The following RNF144A variants were observed in gnomAD, a reference collection of about 807,000 sequenced individuals.
The protein encoded by RNF144A is E3 ubiquitin-protein ligase RNF144A.
A neutral mutation model predicts 38.7 loss-of-function variants in RNF144A; 11 were observed. The observed-to-expected ratio is 0.28, with a 90% CI of 0.18 to 0.47. The LOEUF is 0.47. Among genes scored for constraint, RNF144A ranks in the 20% least tolerant of loss-of-function variants. RNF144A has a pLI of 0.99. For missense variants in RNF144A, 316 were observed against 377.2 expected, an observed-to-expected ratio of 0.84 and a Z score of 1.34; for synonymous variants, 149 against 143.9, an observed-to-expected ratio of 1.04 and a Z score of -0.25.
At position 7,040,241 on chromosome 2, in the gene RNF144A, T is replaced by C. The variant is rs930889628; in HGVS notation, c.*481T>C. ...TACTAATGGCATTTAGTAAAATCCT[T>C]TTTAGAAGGTATTTTTTTTCCAACT... On this transcript the variant is annotated 3_prime_UTR_variant, in exon 9 of 9. Coordinates refer to ENST00000320892, the MANE Select transcript of RNF144A (RefSeq NM_014746.6). The C allele has an allele frequency of 2.0e-6, 2 of 985,686 alleles. No homozygotes were observed. Among genetic ancestry groups the C allele is most frequent in the African/African-American group, 3.5e-5 (2 of 57,236 alleles). 61.1% of individuals were successfully genotyped at this position (985,686 alleles called of 1,614,324 possible).
chr2:6,998,169 C>T (rs562362638), intron 3 of RNF144A, among the ~76,000 whole-genome samples: 10 of 145,746 alleles, frequency 6.9e-5, no homozygotes, highest in African/African-American at 2.5e-4. Context: ...GAAAAACTGT[C>T]TTCAAAAAAA....
At chr2:7,061,191 C>T (rs1410579582) in intron 6 of RNF144A, among the ~76,000 whole-genome samples, 3 of 152,166 alleles carry the variant, frequency 2.0e-5, no homozygotes, top group Admixed American at 1.3e-4. Context: ...AATTAATTCC[C>T]GACGTCCAGG....
chr2:7,061,876 AAT>A (rs1474215255), intron 6 of RNF144A, among the ~76,000 whole-genome samples: 1 of 152,248 alleles, frequency 6.6e-6, no homozygotes, highest in Non-Finnish European at 1.5e-5. Context: ...TATTGTAAAT[AAT>A]ATATGAGAGC....
At chr2:7,019,856 C>A (rs1671397898) in intron 5 of RNF144A, among the ~76,000 whole-genome samples, 1 of 152,202 alleles carries the variant, frequency 6.6e-6, no homozygotes, top group Non-Finnish European at 1.5e-5. Flanking sequence ...GAGAGAAAAT[C>A]TGGCCCTTGA....
chr2:7,015,686 G>A (rs575365046), intron 5 of RNF144A, among the ~76,000 whole-genome samples: 2 of 152,240 alleles, frequency 1.3e-5, no homozygotes, highest in South Asian at 4.2e-4. Flanking sequence ...TCTATTCTGG[G>A]CCCCAGGCTT....
intron 2 of RNF144A, among the ~76,000 whole-genome samples, chr2:6,979,984 A>G (rs1328722727): frequency 1.3e-5 from 2 of 152,194 alleles, no homozygotes; most frequent in Non-Finnish European, 2.9e-5. Context: ...CCTTCTTCAC[A>G]AGGCGGCAGG....
intron 6 of RNF144A, among the ~76,000 whole-genome samples, chr2:7,058,969 A>G (rs892770246): frequency 5.9e-5 from 9 of 152,090 alleles, no homozygotes; most frequent in African/African-American, 1.4e-4. Flanking sequence ...TAGCGGGTCT[A>G]TCTAGAGGGG....
intron 3 of RNF144A, among the ~76,000 whole-genome samples, chr2:7,010,168 C>T (rs1006236186): frequency 2.6e-5 from 4 of 152,164 alleles, no homozygotes; most frequent in African/African-American, 2.4e-5. Context: ...ACCGCTGTCT[C>T]CGGGGTACTG....
chr2:7,056,547 A>C (rs1673746025), intron 6 of RNF144A, among the ~76,000 whole-genome samples: 1 of 152,098 alleles, frequency 6.6e-6, no homozygotes. Context: ...TCTCAATCTG[A>C]GGGTATCTTG....
At chr2:6,932,194 C>G (rs1388331820) in intron 1 of RNF144A, among the ~76,000 whole-genome samples, 2 of 152,080 alleles carry the variant, frequency 1.3e-5, no homozygotes, top group Non-Finnish European at 2.9e-5. Flanking sequence ...TTTTTTCTTG[C>G]TTTGAACTCT....
At chr2:7,067,577 C>G (rs897672129) in intron 6 of RNF144A, among the ~76,000 whole-genome samples, 1 of 152,122 alleles carries the variant, frequency 6.6e-6, no homozygotes, top group Non-Finnish European at 1.5e-5. Context: ...CTTGCACCAT[C>G]CAGTATGTTG....
chr2:6,986,191 A>G (rs964221459), intron 2 of RNF144A, among the ~76,000 whole-genome samples: 1 of 152,150 alleles, frequency 6.6e-6, no homozygotes, highest in African/African-American at 2.4e-5. Context: ...CCATGAAGGT[A>G]CAGTGACAGC....
At chr2:7,046,768 A>G (rs1314762854), downstream of RNF144A, among the ~76,000 whole-genome samples, 1 of 152,238 alleles carries the variant, frequency 6.6e-6, no homozygotes, top group Non-Finnish European at 1.5e-5. Context: ...TAATGCAAAG[A>G]AAAATGGAGT....
chr2:6,971,143 C>T (rs558012678), intron 2 of RNF144A, among the ~76,000 whole-genome samples: 38 of 152,212 alleles, frequency 2.5e-4, no homozygotes, highest in African/African-American at 8.7e-4. Flanking sequence ...TACTGGGTTT[C>T]CTATTGTTCT....
chr2:7,009,244 C>T (rs1670643408), intron 3 of RNF144A, among the ~76,000 whole-genome samples: 1 of 152,226 alleles, frequency 6.6e-6, no homozygotes, highest in South Asian at 2.1e-4. Flanking sequence ...CGGGGCCTTA[C>T]TTTATATAGG....
chr2:6,998,229 G>T (rs1050174930), intron 3 of RNF144A, among the ~76,000 whole-genome samples: 1 of 151,342 alleles, frequency 6.6e-6, no homozygotes, highest in Non-Finnish European at 1.5e-5. Context: ...TGGTGTAGAC[G>T]GCTTCCCTGT....
chr2:7,061,372 C>T (rs1673947296), intron 6 of RNF144A, among the ~76,000 whole-genome samples: 1 of 152,160 alleles, frequency 6.6e-6, no homozygotes, highest in African/African-American at 2.4e-5. Context: ...ATGAATGTTC[C>T]ATAGTAGATA....
intron 6 of RNF144A, among the ~76,000 whole-genome samples, chr2:7,023,052 C>T (rs750201431): frequency 1.3e-5 from 2 of 152,248 alleles, no homozygotes; most frequent in East Asian, 1.9e-4. Context: ...TCCTCACAAC[C>T]GTCTGTAGAG....
At chr2:7,020,865 C>T (rs1671481207) in intron 6 of RNF144A, 185 bp downstream of exon 6, 1 of 607,180 alleles carries the variant, frequency 1.6e-6, no homozygotes, top group South Asian at 2.0e-5. Flanking sequence ...TTTTTGAGAA[C>T]TGACTATGTA....
Sources: allele counts gnomAD v4.1 joint callset (sites outside exome capture counted in the v4.1 genomes callset), GRCh38; gene constraint gnomAD v4.1.1; transcripts MANE v1.5; gene names NCBI Gene and HGNC (gene_info 2026-07-23, HGNC 2026-07-21).